The following SLC2A13 variants were observed in gnomAD, a reference collection of about 807,000 sequenced individuals.
SLC2A13 encodes proton myo-inositol cotransporter.
SLC2A13 carries 32 observed loss-of-function variants against 64.4 expected under a neutral mutation model. That is an observed-to-expected ratio of 0.50 (90% CI 0.37 to 0.67). SLC2A13 has a LOEUF of 0.67. Ranked by LOEUF, SLC2A13 falls within the 30% of genes least tolerant of loss-of-function variation. The probability of loss-of-function intolerance (pLI) is 0.00; values close to 1 mark genes in which losing one functional copy is unlikely to be tolerated. For missense variants in SLC2A13, 743 were observed against 829.2 expected (o/e 0.90, Z 1.28); for synonymous variants, 338 against 327.1 (o/e 1.03, Z -0.36).
chr12:39,880,403 A>G (rs1224730482), intron 4 of SLC2A13, among the ~76,000 whole-genome samples: 3 of 152,230 alleles, frequency 2.0e-5, no homozygotes, highest in Non-Finnish European at 4.4e-5. Context: ...TACACTGAGA[A>G]ATCCTCTTTG....
rs139682323 is a variant in SLC2A13, at chr12:40,040,710, G to A, written c.716+7341C>T. Among the ~76,000 whole-genome samples the A allele has an allele frequency of 5.8e-3, 881 of 152,272 alleles. 24 individuals carry two copies. The highest frequency in any genetic ancestry group is 0.053 in the Admixed American group (807 of 15,300). ...CCTGGCAGGTATTTACTTGTAATGA[G>A]ACTGTTTGCCACCAATTAATACATG... On this transcript the variant is annotated intron_variant, in intron 2 of 9. Coordinates refer to ENST00000280871, the MANE Select transcript of SLC2A13 (RefSeq NM_052885.4).
At chr12:39,934,812 C>T (rs1945890605) in intron 4 of SLC2A13, among the ~76,000 whole-genome samples, 1 of 152,068 alleles carries the variant, frequency 6.6e-6, no homozygotes, top group South Asian at 2.1e-4. Context: ...TTTAATCTGT[C>T]CAGTAAGAAA....
chr12:39,907,795 T>G (rs1945327669), intron 4 of SLC2A13: 1 of 152,172 alleles, frequency 6.6e-6, no homozygotes, highest in Non-Finnish European at 1.5e-5. Context: ...TACACGCCAC[T>G]GGAATGAACC....
chr12:39,869,025 G>A (rs979640507), intron 5 of SLC2A13, among the ~76,000 whole-genome samples: 1 of 152,088 alleles, frequency 6.6e-6, no homozygotes, highest in Admixed American at 6.5e-5. Flanking sequence ...AATAGGGAAC[G>A]ATACTGAATC....
At chr12:39,792,321 A>G (rs1304781565) in intron 7 of SLC2A13, among the ~76,000 whole-genome samples, 2 of 151,020 alleles carry the variant, frequency 1.3e-5, no homozygotes, top group Admixed American at 6.6e-5. Context: ...GTGGGCAAGG[A>G]CTTCATGTCC....
intron 4 of SLC2A13, among the ~76,000 whole-genome samples, chr12:39,883,462 T>A (rs562501151): frequency 6.6e-6 from 1 of 152,250 alleles, no homozygotes; most frequent in South Asian, 2.1e-4. Context: ...ATTGATTGTC[T>A]CCAAAGTTCC....
At chr12:39,870,717 C>G (rs1273245378) in intron 5 of SLC2A13, among the ~76,000 whole-genome samples, 2 of 152,152 alleles carry the variant, frequency 1.3e-5, no homozygotes, top group Non-Finnish European at 2.9e-5. Flanking sequence ...TCTCACCTTT[C>G]CCTCCAGCAC....
At chr12:39,971,997 A>AAAAATATATATATATATATATATAT (rs1375405006) in intron 3 of SLC2A13, among the ~76,000 whole-genome samples, 2 of 77,348 alleles carry the variant, frequency 2.6e-5, no homozygotes, top group Non-Finnish European at 5.0e-5. Context: ...AAAAAAAAAA[A>AAAAATATATATATATATATATATAT]ATATATATAT....
intron 1 of SLC2A13, among the ~76,000 whole-genome samples, chr12:40,077,692 G>T (rs1456879612): frequency 1.3e-5 from 2 of 152,158 alleles, no homozygotes; most frequent in Non-Finnish European, 2.9e-5. Flanking sequence ...TGTGAAAAAT[G>T]ATATAGGTAG....
intron 1 of SLC2A13, among the ~76,000 whole-genome samples, chr12:40,080,722 G>A (rs1043826509): frequency 6.6e-6 from 1 of 152,190 alleles, no homozygotes; most frequent in Non-Finnish European, 1.5e-5. Flanking sequence ...TAATATTGAT[G>A]TTAAGATTTG....
rs201739660 is a variant in SLC2A13 at position 40,026,613 on chromosome 12, T to C, written c.925+1688A>G. Reference sequence around the variant, plus strand: ...TAATGCTTTGCAATAAAATCAATGATATCCATATCCCTAAACAAGAAGGCT... The same window carrying C: ...TAATGCTTTGCAATAAAATCAATGACATCCATATCCCTAAACAAGAAGGCT... On this transcript the variant is annotated intron_variant, in intron 3 of 9. Coordinates refer to ENST00000280871, the MANE Select transcript of SLC2A13 (RefSeq NM_052885.4). Among the ~76,000 whole-genome samples, 5 of 152,206 alleles carry C rather than the reference T, an allele frequency of 3.3e-5. No individual in the cohort carries two copies. In the East Asian group the frequency reaches 9.6e-4, roughly 29 times the overall value.
chr12:39,990,829 G>C (rs1591985797), intron 3 of SLC2A13, among the ~76,000 whole-genome samples: 2 of 152,258 alleles, frequency 1.3e-5, no homozygotes. Context: ...GCTCTAATCA[G>C]AGCTTTTCAA....
At chr12:40,053,242 A>C (rs1948287386) in intron 1 of SLC2A13, among the ~76,000 whole-genome samples, 1 of 144,734 alleles carries the variant, frequency 6.9e-6, no homozygotes, top group Admixed American at 7.3e-5. Context: ...AGATGGTACC[A>C]CTGCACTATA....
intron 5 of SLC2A13, 79 bp from the exon 6 acceptor site, chr12:39,864,961 C>CA: frequency 1.5e-6 from 2 of 1,292,088 alleles, no homozygotes; most frequent in Non-Finnish European, 2.1e-6. Context: ...AAAAACAAAC[C>CA]AAAAAACAAA....
intron 2 of SLC2A13, among the ~76,000 whole-genome samples, chr12:40,032,995 G>A (rs1003157617): frequency 2.0e-5 from 3 of 152,190 alleles, no homozygotes; most frequent in African/African-American, 7.2e-5. Flanking sequence ...AATACTAATA[G>A]CAATAGTAAC....
At chr12:39,838,692 A>C (rs1943096516) in intron 6 of SLC2A13, among the ~76,000 whole-genome samples, 1 of 152,048 alleles carries the variant, frequency 6.6e-6, no homozygotes, top group South Asian at 2.1e-4. Context: ...TCATTCAATC[A>C]ATCGTTTATA....
intron 4 of SLC2A13, among the ~76,000 whole-genome samples, chr12:39,891,985 T>C (rs1373210846): frequency 6.6e-6 from 1 of 152,222 alleles, no homozygotes; most frequent in African/African-American, 2.4e-5. Context: ...ATTTTTTTAC[T>C]AGGTTTAATC....
chr12:39,814,878 A>T (rs1356171207), intron 7 of SLC2A13, among the ~76,000 whole-genome samples: 1 of 151,940 alleles, frequency 6.6e-6, no homozygotes, highest in Non-Finnish European at 1.5e-5. Context: ...CAATCGCTTT[A>T]TCCTCTTAGA....
chr12:40,064,995 GTTTT>G (rs1159859956), intron 1 of SLC2A13, among the ~76,000 whole-genome samples: 4 of 152,036 alleles, frequency 2.6e-5, no homozygotes, highest in African/African-American at 4.8e-5. Flanking sequence ...AACAATCCCA[GTTTT>G]TTTATTTCTA....
Sources: gnomAD v4.1 joint callset for allele counts (sites outside exome capture counted in the v4.1 genomes callset) on GRCh38, gnomAD v4.1.1 for gene constraint, MANE v1.5 for transcripts, NCBI Gene and HGNC (gene_info 2026-07-23, HGNC 2026-07-21) for gene names.